Variants in PKIB observed in about 807,000 individuals in gnomAD.
PKIB encodes the protein PKI-beta.
Under a neutral mutation model 4.5 loss-of-function variants are expected in PKIB, and 2 were observed. The observed-to-expected ratio is 0.44, with a 90% CI of 0.18 to 1.39. The LOEUF (loss-of-function observed/expected upper bound fraction) is 1.39. Among genes scored for constraint, PKIB ranks in the 40% most tolerant of loss-of-function variants. The pLI is 0.27. For synonymous variants in PKIB, 38 were observed against 36.0 expected (o/e 1.06, Z -0.20); for missense variants, 94 against 92.6 (o/e 1.02, Z -0.06).
At chr6:122,514,394 C>T (rs1776682070) in intron 2 of PKIB, among the ~76,000 whole-genome samples, 2 of 152,104 alleles carry the variant, frequency 1.3e-5, no homozygotes, top group Non-Finnish European at 2.9e-5. Context: ...TATGGTGGTA[C>T]ATGCTTGAAA....
chr6:122,532,973 T>C (rs192992194), intron 2 of PKIB, among the ~76,000 whole-genome samples: 1 of 152,228 alleles, frequency 6.6e-6, no homozygotes, highest in East Asian at 1.9e-4. Context: ...TGTTGGACAT[T>C]TGTGTATTTT....
chr6:122,659,728 G>A (rs572821289), intron 2 of PKIB, among the ~76,000 whole-genome samples: 13 of 152,118 alleles, frequency 8.5e-5, no homozygotes, highest in South Asian at 6.2e-4. Flanking sequence ...GCTATTTTTC[G>A]GTAAAGTTGC....
At chr6:122,701,304 G>A (rs1300359513) in intron 3 of PKIB, 1 of 666,208 alleles carries the variant, frequency 1.5e-6, no homozygotes, top group Non-Finnish European at 2.6e-6. Context: ...TACAAGCAAT[G>A]TCTGTATTGC....
rs143575880 is a variant in PKIB at position 122,670,261 on chromosome 6, T to C, written c.-75-4817T>C. 3.1e-4 allele frequency among the ~76,000 whole-genome samples: 47 copies of C among 152,180 alleles called. No individual in the cohort carries two copies. In the East Asian group the frequency reaches 8.3e-3, roughly 27 times the overall value. On this transcript the variant is annotated intron_variant, in intron 2 of 4. Coordinates refer to ENST00000368452, the MANE Select transcript of PKIB (RefSeq NM_181795.3). The stretch of plus-strand genomic sequence containing the variant: ...CAGCATGGAAAGCTTGGTAATACTA[T>C]CTGTGGCTGTGTACCCAGCTAAACT...
chr6:122,509,442 T>G (rs1776519998), intron 2 of PKIB, among the ~76,000 whole-genome samples: 1 of 152,102 alleles, frequency 6.6e-6, no homozygotes, highest in Non-Finnish European at 1.5e-5. Context: ...TGTCTTTTTT[T>G]TTTTTTAAGA....
At chr6:122,616,217 G>A (rs947755436) in intron 1 of PKIB, among the ~76,000 whole-genome samples, 2 of 152,160 alleles carry the variant, frequency 1.3e-5, no homozygotes, top group African/African-American at 4.8e-5. Context: ...AAAGGGCATT[G>A]TCATAGCGAC....
intron 2 of PKIB, among the ~76,000 whole-genome samples, chr6:122,659,731 A>G (rs1310932759): frequency 6.6e-6 from 1 of 152,178 alleles, no homozygotes. Context: ...ATTTTTCGGT[A>G]AAGTTGCCTA....
intron 2 of PKIB, among the ~76,000 whole-genome samples, chr6:122,558,934 T>C (rs1207723480): frequency 1.3e-5 from 2 of 152,130 alleles, no homozygotes; most frequent in Non-Finnish European, 2.9e-5. Context: ...CCAAAGTCCA[T>C]TGTATCATTC....
chr6:122,521,973 C>T (rs1776959382), intron 2 of PKIB, among the ~76,000 whole-genome samples: 1 of 152,154 alleles, frequency 6.6e-6, no homozygotes, highest in South Asian at 2.1e-4. Context: ...ACTGCCACTG[C>T]ACTGAACATT....
intron 2 of PKIB, among the ~76,000 whole-genome samples, chr6:122,579,534 T>C (rs974858909): frequency 4.6e-5 from 7 of 152,232 alleles, no homozygotes; most frequent in African/African-American, 1.7e-4. Flanking sequence ...GGAATTTGTA[T>C]ATTACTCATA....
chr6:122,679,491 C>CAGTGA (rs1226843523), intron 3 of PKIB, among the ~76,000 whole-genome samples: 2 of 152,088 alleles, frequency 1.3e-5, no homozygotes, highest in African/African-American at 4.8e-5. Context: ...GCAGGAAACT[C>CAGTGA]AGTGAAGAGG....
intron 2 of PKIB, among the ~76,000 whole-genome samples, chr6:122,502,225 C>G (rs967181719): frequency 7.2e-5 from 11 of 152,026 alleles, no homozygotes; most frequent in Non-Finnish European, 4.4e-5. Flanking sequence ...CTTCTGAGCT[C>G]TCCATACTGT....
At chr6:122,644,622 A>G (rs1381186769) in intron 2 of PKIB, 1 of 152,204 alleles carries the variant, frequency 6.6e-6, no homozygotes, top group Admixed American at 6.5e-5. Context: ...TTGCCTGTAC[A>G]GCTAATTATT....
chr6:122,580,258 T>C (rs981109421), intron 2 of PKIB, among the ~76,000 whole-genome samples: 2 of 152,114 alleles, frequency 1.3e-5, no homozygotes, highest in African/African-American at 4.8e-5. Flanking sequence ...ATGCAAACAT[T>C]TTCTACTATC....
intron 3 of PKIB, among the ~76,000 whole-genome samples, chr6:122,712,938 G>A (rs1779331085): frequency 6.6e-6 from 1 of 152,044 alleles, no homozygotes; most frequent in Non-Finnish European, 1.5e-5. Context: ...TTCTTAGCAG[G>A]CTCTTCGGGG....
intron 3 of PKIB, among the ~76,000 whole-genome samples, chr6:122,695,428 A>AC (rs1778533969): frequency 2.3e-5 from 1 of 43,258 alleles, no homozygotes; most frequent in African/African-American, 6.0e-5. Flanking sequence ...GAGAACAAAA[A>AC]ATAAGTTTTT....
At chr6:122,629,753 A>G (rs1442775487) in intron 1 of PKIB, among the ~76,000 whole-genome samples, 1 of 152,216 alleles carries the variant, frequency 6.6e-6, no homozygotes, top group Non-Finnish European at 1.5e-5. Flanking sequence ...GCCACAGTCT[A>G]ATCATGAGAA....
In PKIB at chr6:122,717,839, C is replaced by T. The variant is rs373640646; in HGVS notation, c.45C>T (p.Val15=). The part of the protein sequence containing the change: ...SSKMTDVESG[V]ANFASSARAG... ...AAATGACTGACGTGGAGTCTGGGGT[C>T]GCCAATTTTGCATCTTCAGCAAGGG... The change falls in exon 4 of 5, where the codon GTC becomes GTT. Residue 15 remains valine (V), a synonymous_variant. Transcript: ENST00000368452. The T allele has an allele frequency of 4.3e-6, 7 of 1,613,750 alleles. No homozygotes were observed. The Admixed American group carries it at 6.7e-5, about 15-fold the overall frequency.
At chr6:122,527,817 G>A (rs965566526) in intron 2 of PKIB, among the ~76,000 whole-genome samples, 1 of 152,160 alleles carries the variant, frequency 6.6e-6, no homozygotes, top group Admixed American at 6.6e-5. Flanking sequence ...TGCTTGATGC[G>A]AGGTTGCCAC....
Sources: allele counts gnomAD v4.1 joint callset (sites outside exome capture counted in the v4.1 genomes callset), GRCh38; gene constraint gnomAD v4.1.1; transcripts MANE v1.5; gene names NCBI Gene and HGNC (gene_info 2026-07-23, HGNC 2026-07-21).